The following CRACD variants were observed in gnomAD, a reference collection of about 807,000 sequenced individuals.
CRACD encodes capping protein inhibiting regulator of actin dynamics, also known as capping protein-inhibiting regulator of actin dynamics.
Under a neutral mutation model 106.8 loss-of-function variants are expected in CRACD, and 56 were observed. The ratio of observed to expected loss-of-function variants is 0.52; its 90% confidence interval spans 0.42 to 0.66. CRACD has a LOEUF of 0.66. CRACD is among the 30% of genes least tolerant of loss of function. The pLI, the probability that CRACD is intolerant of heterozygous loss-of-function variation, is 0.00. For synonymous variants in CRACD, 754 were observed against 670.8 expected (o/e 1.12, Z -1.92); for missense variants, 1,730 against 1,623.2 (o/e 1.07, Z -1.13).
chr4:56,174,684 T>G (rs868861998), intron 1 of CRACD, among the ~76,000 whole-genome samples: 1 of 152,208 alleles, frequency 6.6e-6, no homozygotes, highest in East Asian at 1.9e-4. Context: ...ATTCATCTGT[T>G]GATGGACACT....
intron 7 of CRACD, 143 bp from the exon 8 acceptor site, chr4:56,313,897 G>A (rs1416215901): frequency 1.8e-6 from 2 of 1,125,738 alleles, no homozygotes; most frequent in Non-Finnish European, 2.5e-6. Flanking sequence ...CGATGCCTGA[G>A]TTTAGCTATC....
intron 2 of CRACD, among the ~76,000 whole-genome samples, chr4:56,227,888 T>C (rs550456164): frequency 6.6e-6 from 1 of 152,348 alleles, no homozygotes; most frequent in East Asian, 1.9e-4. Flanking sequence ...GTATTCTCTT[T>C]CTTTTTTTCT....
intron 1 of CRACD, among the ~76,000 whole-genome samples, chr4:56,162,284 T>C (rs1577703183): frequency 6.6e-6 from 1 of 152,154 alleles, no homozygotes; most frequent in East Asian, 1.9e-4. Context: ...AACCTCTAAC[T>C]CCTGGGCTCA....
At chr4:56,078,225 C>T (rs1215908433) in intron 1 of CRACD, among the ~76,000 whole-genome samples, 1 of 151,610 alleles carries the variant, frequency 6.6e-6, no homozygotes, top group Non-Finnish European at 1.5e-5. Flanking sequence ...GGTTTCATAA[C>T]TCAGTAACAT....
At chr4:56,061,951 G>A (rs1368987754) in intron 1 of CRACD, among the ~76,000 whole-genome samples, 1 of 152,214 alleles carries the variant, frequency 6.6e-6, no homozygotes, top group African/African-American at 2.4e-5. Context: ...CGTGGTTGTT[G>A]ATGGGCAGAA....
chr4:56,292,943 G>A lies in CRACD; in HGVS notation c.-16-5271G>A, dbSNP rs56842110. ...GAGACCTAAAGGTGACCTAGATGTTGGAGTTTCAGATAGACTTTCAAATAA... is the reference window on the plus strand; with the variant it reads ...GAGACCTAAAGGTGACCTAGATGTTAGAGTTTCAGATAGACTTTCAAATAA... On this transcript the variant is annotated intron_variant, in intron 3 of 10. Transcript: ENST00000682029. 1.4e-3 allele frequency among the ~76,000 whole-genome samples: 209 copies of A among 152,260 alleles called. 2 individuals are homozygous for A. The highest frequency in any genetic ancestry group is 4.8e-3 in the African/African-American group (200 of 41,544).
At chr4:56,111,202 C>T (rs534937106) in intron 1 of CRACD, among the ~76,000 whole-genome samples, 28 of 151,812 alleles carry the variant, frequency 1.8e-4, no homozygotes, top group Middle Eastern at 3.4e-3. Context: ...TGGATGTGGA[C>T]GGGGGTGGGG....
intron 2 of CRACD, among the ~76,000 whole-genome samples, chr4:56,188,622 C>CTCT (rs1553908618): frequency 1.6e-5 from 2 of 121,608 alleles, no homozygotes; most frequent in Admixed American, 8.1e-5. Flanking sequence ...ATCTGTCTAG[C>CTCT]CTCTCTCTCT....
At chr4:56,202,071 T>G (rs986116873) in intron 2 of CRACD, among the ~76,000 whole-genome samples, 1 of 152,242 alleles carries the variant, frequency 6.6e-6, no homozygotes, top group Admixed American at 6.5e-5. Flanking sequence ...GCATGATATA[T>G]TTTTATGTGA....
intron 1 of CRACD, among the ~76,000 whole-genome samples, chr4:56,107,646 C>T (rs955553871): frequency 3.7e-4 from 56 of 152,100 alleles, no homozygotes; most frequent in African/African-American, 1.1e-3. Context: ...TTTCAAGTTT[C>T]GAAGGTAGAG....
intron 2 of CRACD, among the ~76,000 whole-genome samples, chr4:56,233,917 C>T (rs1739797381): frequency 6.6e-6 from 1 of 152,066 alleles, no homozygotes; most frequent in Non-Finnish European, 1.5e-5. Context: ...CATCTTTTGT[C>T]AGATTTATCC....
chr4:56,253,417 C>G (rs913651836), intron 2 of CRACD, among the ~76,000 whole-genome samples: 2 of 152,104 alleles, frequency 1.3e-5, no homozygotes, highest in Admixed American at 6.5e-5. Flanking sequence ...GTTCAGTCAC[C>G]TCATTTTGCA....
At chr4:56,108,932 A>G (rs771149458) in intron 1 of CRACD, among the ~76,000 whole-genome samples, 2 of 152,222 alleles carry the variant, frequency 1.3e-5, no homozygotes, top group African/African-American at 4.8e-5. Context: ...GCACAGCACC[A>G]CAGGGAGGGG....
chr4:56,245,148 T>A (rs2109572350), intron 2 of CRACD, among the ~76,000 whole-genome samples: 1 of 152,376 alleles, frequency 6.6e-6, no homozygotes, highest in South Asian at 2.1e-4. Context: ...CCCCTTCTCA[T>A]GGAGTGTATC....
chr4:56,321,091 TACA>T (rs1408163483), intron 8 of CRACD: 1 of 173,148 alleles, frequency 5.8e-6, no homozygotes, highest in African/African-American at 2.4e-5. Context: ...TTTTGCCAAA[TACA>T]ACATCTTGTC....
intron 2 of CRACD, among the ~76,000 whole-genome samples, chr4:56,212,014 G>A (rs984620332): frequency 6.6e-6 from 1 of 152,058 alleles, no homozygotes; most frequent in African/African-American, 2.4e-5. Flanking sequence ...TCCCCAGGAG[G>A]CTATTCATTT....
intron 1 of CRACD, among the ~76,000 whole-genome samples, chr4:56,109,135 C>A (rs1430422549): frequency 6.6e-6 from 1 of 152,206 alleles, no homozygotes; most frequent in African/African-American, 2.4e-5. Context: ...CTTATGCGGG[C>A]GTGACAGAGG....
chr4:56,125,733 A>T, intron 1 of CRACD, among the ~76,000 whole-genome samples: 3 of 137,406 alleles, frequency 2.2e-5, no homozygotes, highest in Admixed American at 1.4e-4. Context: ...AAAATTTTTA[A>T]TGTTTATAAT....
intron 2 of CRACD, among the ~76,000 whole-genome samples, chr4:56,206,692 A>C (rs1738138285): frequency 1.3e-5 from 2 of 152,216 alleles, no homozygotes; most frequent in African/African-American, 2.4e-5. Context: ...GGCCTAGTGC[A>C]CAAGCTCAGT....
Sources: allele counts gnomAD v4.1 joint callset (sites outside exome capture counted in the v4.1 genomes callset), GRCh38; gene constraint gnomAD v4.1.1; transcripts MANE v1.5; gene names NCBI Gene and HGNC (gene_info 2026-07-23, HGNC 2026-07-21).